The following MAPK4 variants were observed in gnomAD, a reference collection of about 807,000 sequenced individuals.
MAPK4 encodes the protein Erk3-related.
A neutral mutation model predicts 47.7 loss-of-function variants in MAPK4; 22 were observed. The observed-to-expected ratio is 0.46, with a 90% CI of 0.33 to 0.66. The LOEUF (loss-of-function observed/expected upper bound fraction) is 0.66. Ranked by LOEUF, MAPK4 falls within the 30% of genes least tolerant of loss-of-function variation. MAPK4 has a pLI of 0.02. For missense variants in MAPK4, 736 were observed against 831.7 expected, an observed-to-expected ratio of 0.88 and a Z score of 1.42; for synonymous variants, 390 against 365.7, an observed-to-expected ratio of 1.07 and a Z score of -0.76.
At chr18:50,633,050 T>C (rs1019623340) in intron 1 of MAPK4, among the ~76,000 whole-genome samples, 1 of 152,228 alleles carries the variant, frequency 6.6e-6, no homozygotes, top group Non-Finnish European at 1.5e-5. Flanking sequence ...AGGTTAAGGC[T>C]GTAGTCTGGA....
chr18:50,720,129 A>G (rs565902451), intron 3 of MAPK4, among the ~76,000 whole-genome samples: 1 of 152,252 alleles, frequency 6.6e-6, no homozygotes, highest in South Asian at 2.1e-4. Context: ...TCCCATTTTC[A>G]GTGGTGGCTT....
intron 1 of MAPK4, among the ~76,000 whole-genome samples, chr18:50,630,501 T>G (rs1471217222): frequency 6.6e-6 from 1 of 152,180 alleles, no homozygotes; most frequent in Non-Finnish European, 1.5e-5. Flanking sequence ...TTTCCTCCTC[T>G]CTTTCTCTCT....
chr18:50,724,645 T>C (rs934697277), intron 4 of MAPK4, among the ~76,000 whole-genome samples: 1 of 152,208 alleles, frequency 6.6e-6, no homozygotes, highest in African/African-American at 2.4e-5. Flanking sequence ...TTAACTAATT[T>C]GGGGGTCTAG....
chr18:50,657,579 A>G (rs1327882001), intron 1 of MAPK4, among the ~76,000 whole-genome samples: 1 of 152,128 alleles, frequency 6.6e-6, no homozygotes, highest in African/African-American at 2.4e-5. Context: ...ACCCAGCTCA[A>G]ATGCCAACAC....
Position 50,664,490 on chromosome 18 carries a change from C to T in MAPK4, c.532C>T (p.His178Tyr). The T allele has an allele frequency of 6.3e-7, 1 of 1,593,930 alleles. No homozygotes were observed. Among genetic ancestry groups the T allele is most frequent in the Non-Finnish European group, 8.6e-7 (1 of 1,166,976 alleles). Reference protein sequence around the residue: ...DFGLARIVDQHYSHKGYLSEG... With the variant: ...DFGLARIVDQYYSHKGYLSEG... ...CGGGTTGGCAAGGATCGTTGATCAG[C>T]ATTACTCCCACAAGGTATGTCTGGC... The change falls in exon 2 of 6, where the codon CAT becomes TAT. Residue 178 changes from histidine to tyrosine, a missense_variant. By Grantham distance (83) the His-to-Tyr change is moderately conservative. Coordinates refer to ENST00000400384, the MANE Select transcript of MAPK4 (RefSeq NM_002747.4). This position sits in a 1 kb window ranked among gnomAD's most constrained non-coding sequence, Gnocchi z 6.0.
chr18:50,578,986 G>A (rs1598791602), intron 1 of MAPK4, among the ~76,000 whole-genome samples: 1 of 152,162 alleles, frequency 6.6e-6, no homozygotes. Context: ...AGTAAGCCTC[G>A]CATGGAGAAC....
At chr18:50,643,034 A>G (rs181928157) in intron 1 of MAPK4, among the ~76,000 whole-genome samples, 7 of 151,914 alleles carry the variant, frequency 4.6e-5, no homozygotes, top group Middle Eastern at 6.8e-3. Flanking sequence ...TCAACTCAAT[A>G]TGAGAATATA....
Position 50,664,111 on chromosome 18 carries a change from T to C in MAPK4, c.153T>C (p.Ile51=). 1 of 1,614,038 alleles carries C rather than the reference T, an allele frequency of 6.2e-7. No individual in the cohort carries two copies. The highest frequency in any genetic ancestry group is 8.5e-7 in the Non-Finnish European group (1 of 1,180,008). Residue 51 remains isoleucine, a synonymous_variant, in exon 2 of 6, where the codon ATT becomes ATC. Coordinates refer to ENST00000400384, the MANE Select transcript of MAPK4 (RefSeq NM_002747.4). The surrounding 1 kb of genome is among the most constrained non-coding windows in gnomAD (Gnocchi z 6.0). ...RACRKVAVKK[I]ALSDARSMKH... ...GCCGGAAGGTCGCTGTGAAGAAGAT[T>C]GCCCTGAGCGATGCCCGCAGCATGA...
chr18:50,559,703 C>T (rs1240042141), upstream of MAPK4, among the ~76,000 whole-genome samples: 1 of 151,390 alleles, frequency 6.6e-6, no homozygotes, highest in South Asian at 2.1e-4. Context: ...TTCCCGCCTT[C>T]TCGGCGCCCC....
chr18:50,702,590 A>G (rs192871982), intron 2 of MAPK4, among the ~76,000 whole-genome samples: 80 of 152,224 alleles, frequency 5.3e-4, no homozygotes, highest in Non-Finnish European at 9.3e-4. Flanking sequence ...ATTAAACATA[A>G]ATATTCATTT....
chr18:50,648,341 G>T (rs1766726486), intron 1 of MAPK4, among the ~76,000 whole-genome samples: 1 of 152,176 alleles, frequency 6.6e-6, no homozygotes, highest in Admixed American at 6.5e-5. Flanking sequence ...CTGTGGTGTG[G>T]GGGGCAGCCT....
intron 1 of MAPK4, among the ~76,000 whole-genome samples, chr18:50,605,208 G>A (rs967191769): frequency 6.6e-6 from 1 of 152,208 alleles, no homozygotes; most frequent in Non-Finnish European, 1.5e-5. Context: ...AGGAGATCAA[G>A]TTGAAATCCA....
intron 2 of MAPK4, among the ~76,000 whole-genome samples, chr18:50,668,374 G>A (rs772542288): frequency 2.8e-4 from 42 of 152,142 alleles, no homozygotes; most frequent in Non-Finnish European, 5.6e-4. Context: ...TCTAGCGCAG[G>A]GCCTGACACT....
chr18:50,593,149 G>C (rs1418419312), intron 1 of MAPK4, among the ~76,000 whole-genome samples: 2 of 152,148 alleles, frequency 1.3e-5, no homozygotes, highest in African/African-American at 4.8e-5. Context: ...TTAATTACCA[G>C]CTTTGTTGTC....
intron 2 of MAPK4, among the ~76,000 whole-genome samples, chr18:50,667,381 C>A (rs1277090957): frequency 6.6e-6 from 1 of 152,128 alleles, no homozygotes. Flanking sequence ...AGAAAGGGAG[C>A]TGTTGGGTTC....
At chr18:50,593,352 C>T (rs923450103) in intron 1 of MAPK4, among the ~76,000 whole-genome samples, 7 of 152,296 alleles carry the variant, frequency 4.6e-5, no homozygotes, top group African/African-American at 1.4e-4. Context: ...CCAACAGTTT[C>T]TCATGTGGCA....
chr18:50,725,904 CCTT>C (rs1405957428), intron 4 of MAPK4, 55 bp from the exon 5 acceptor site: 118 of 1,365,284 alleles, frequency 8.6e-5, no homozygotes, highest in Middle Eastern at 1.8e-4. Flanking sequence ...TGAGGAATCT[CCTT>C]CTGAGCTCAA....
intron 1 of MAPK4, among the ~76,000 whole-genome samples, chr18:50,632,363 G>A (rs2042838725): frequency 6.6e-6 from 1 of 152,112 alleles, no homozygotes; most frequent in Admixed American, 6.5e-5. Flanking sequence ...AATTAGATTT[G>A]CAAAGTTCTT....
chr18:50,583,916 A>G (rs938830588), intron 1 of MAPK4, among the ~76,000 whole-genome samples: 2 of 152,168 alleles, frequency 1.3e-5, no homozygotes, highest in African/African-American at 4.8e-5. Context: ...GTACTAGAGG[A>G]CTTCTCAAAG....
Sources: gnomAD v4.1 joint callset for allele counts (sites outside exome capture counted in the v4.1 genomes callset) on GRCh38, gnomAD v4.1.1 for gene constraint, Gnocchi (gnomAD v3.1) non-coding constraint, MANE v1.5 for transcripts, NCBI Gene and HGNC (gene_info 2026-07-23, HGNC 2026-07-21) for gene names.